ZSWIM9: variants seen among roughly 807,000 people sequenced by gnomAD.
ZSWIM9 encodes zinc finger SWIM-type containing 9.
A neutral mutation model predicts 25.0 loss-of-function variants in ZSWIM9; 11 were observed. That is an observed-to-expected ratio of 0.44 (90% CI 0.28 to 0.73). The LOEUF (loss-of-function observed/expected upper bound fraction) is 0.73. Ranked by LOEUF, ZSWIM9 falls within the 30% of genes least tolerant of loss-of-function variation. The pLI is 0.16. For synonymous variants in ZSWIM9, 562 were observed against 582.1 expected, an observed-to-expected ratio of 0.97 and a Z score of 0.50; for missense variants, 1,070 against 1,296.5, an observed-to-expected ratio of 0.83 and a Z score of 2.68.
At chr19:48,171,742 C>A in intron 1 of ZSWIM9, 52 bp from the exon 2 acceptor site, 1 of 1,467,270 alleles carries the variant, frequency 6.8e-7, no homozygotes, top group Non-Finnish European at 9.0e-7. Flanking sequence ...AGATGAGATA[C>A]CCCGGGTGGG....
rs772198303 is a variant in ZSWIM9, at chr19:48,197,278, GA to G, written c.*457del. The stretch of plus-strand genomic sequence containing the variant: ...CAGATGAAGGAGAGGAGGTAAGCGA[GA>G]AAAAATGGAAAGGGGAGCCGGAAAT... On this transcript the variant is annotated 3_prime_UTR_variant, in exon 4 of 4. Transcript: ENST00000614654. 10 of 702,010 alleles carry G rather than the reference GA, an allele frequency of 1.4e-5. No individual in the cohort carries two copies. In the South Asian group the frequency reaches 1.5e-4, roughly 10 times the overall value. 43.5% of individuals were successfully genotyped at this position (702,010 alleles called of 1,614,324 possible). A position where few individuals can be genotyped will look rare whatever the true frequency, so the allele number is the denominator to read the frequency against.
chr19:48,191,971 C>T (rs182560362), intron 3 of ZSWIM9: 150 of 154,800 alleles, frequency 9.7e-4, no homozygotes, highest in Admixed American at 3.6e-3. Context: ...GTGTGTGCCT[C>T]GGTGTCCTCA....
chr19:48,187,176 C>G (rs1328897948), intron 3 of ZSWIM9, among the ~76,000 whole-genome samples: 9 of 147,406 alleles, frequency 6.1e-5, no homozygotes, highest in Non-Finnish European at 1.3e-4. Context: ...AAGTTCTGTC[C>G]CTATCATATT....
intron 3 of ZSWIM9, among the ~76,000 whole-genome samples, chr19:48,192,500 C>CATATATATATAT (rs2037109760): frequency 2.5e-5 from 1 of 40,118 alleles, no homozygotes; most frequent in African/African-American, 7.8e-5. Flanking sequence ...TATATATATA[C>CATATATATATAT]ACACACACAC....
At chr19:48,193,667 G>A (rs921557722) in intron 3 of ZSWIM9, among the ~76,000 whole-genome samples, 1 of 152,230 alleles carries the variant, frequency 6.6e-6, no homozygotes, top group Non-Finnish European at 1.5e-5. Flanking sequence ...TAGTTGGGAA[G>A]TCACAGAAGA....
At chr19:48,175,027 A>G (rs1376129714) in intron 2 of ZSWIM9, among the ~76,000 whole-genome samples, 1 of 152,148 alleles carries the variant, frequency 6.6e-6, no homozygotes, top group Non-Finnish European at 1.5e-5. Flanking sequence ...ATACAAAGGG[A>G]GTGGTCAGCT....
chr19:48,193,153 A>G, intron 3 of ZSWIM9: 1 of 154,916 alleles, frequency 6.5e-6, no homozygotes, highest in East Asian at 1.9e-4. Flanking sequence ...GTTGGCCAGG[A>G]GTGATCTCAT....
intron 3 of ZSWIM9, chr19:48,192,961 TTCTCCCAGC>T (rs1383093256): frequency 6.5e-6 from 1 of 154,998 alleles, no homozygotes; most frequent in Non-Finnish European, 1.5e-5. Flanking sequence ...CAGTGCTCAG[TTCTCCCAGC>T]AATGACATGT....
At chr19:48,192,582 C>T (rs1489556878) in intron 3 of ZSWIM9, among the ~76,000 whole-genome samples, 1 of 147,418 alleles carries the variant, frequency 6.8e-6, no homozygotes, top group Non-Finnish European at 1.5e-5. Context: ...CATGCATGTT[C>T]TCCCACCTAC....
rs748654859 is a variant in ZSWIM9, at chr19:48,197,461, G to A, written c.*634G>A. ...CGGGTAGAGACGAAATGCAAGGGGC[G>A]TGGTTTTGGTTTTTCTCCAAGACCT... On this transcript the variant is annotated 3_prime_UTR_variant, in exon 4 of 4. Coordinates refer to ENST00000614654, the MANE Select transcript of ZSWIM9 (RefSeq NM_199341.4). 1.0e-5 allele frequency: 6 copies of A among 594,366 alleles called. No homozygotes were observed. Among genetic ancestry groups the A allele is most frequent in the Non-Finnish European group, 1.8e-5 (6 of 334,278 alleles). 36.8% of individuals were successfully genotyped at this position (594,366 alleles called of 1,614,324 possible). A position where few individuals can be genotyped will look rare whatever the true frequency, so the allele number is the denominator to read the frequency against.
chr19:48,191,487 A>G (rs2037094202), intron 3 of ZSWIM9, among the ~76,000 whole-genome samples: 1 of 152,168 alleles, frequency 6.6e-6, no homozygotes, highest in Non-Finnish European at 1.5e-5. Context: ...TTACAGGCGT[A>G]AGCCACTGTG....
intron 2 of ZSWIM9, among the ~76,000 whole-genome samples, chr19:48,178,143 C>G (rs150825220): frequency 2.0e-5 from 3 of 152,328 alleles, no homozygotes; most frequent in South Asian, 4.1e-4. Context: ...AGTGATCCGC[C>G]CGCCTTGGCC....
Position 48,192,496 on chromosome 19 carries a change from T to TAC in ZSWIM9, c.589-2156_589-2155insCA, listed in dbSNP as rs1416010856. On this transcript the variant is annotated intron_variant, in intron 3 of 3. Transcript: ENST00000614654. ...AAAAAAAAAAATATATATATATATA[T>TAC]ATACACACACACACACACACACATT... 3.1e-3 allele frequency among the ~76,000 whole-genome samples: 78 copies of TAC among 25,544 alleles called. 3 individuals carry two copies. Among genetic ancestry groups the TAC allele is most frequent in the African/African-American group, 8.2e-3 (75 of 9,196 alleles). The allele number at this position is 25,544 out of a possible 152,430, so 16.8% of individuals were successfully genotyped here.
chr19:48,193,990 C>T (rs1283011101), intron 3 of ZSWIM9, among the ~76,000 whole-genome samples: 1 of 152,168 alleles, frequency 6.6e-6, no homozygotes, highest in Non-Finnish European at 1.5e-5. Flanking sequence ...AATGAATGTT[C>T]AGTGCCTAGA....
intron 3 of ZSWIM9, among the ~76,000 whole-genome samples, chr19:48,188,040 A>G (rs2037052801): frequency 6.6e-6 from 1 of 151,906 alleles, no homozygotes; most frequent in South Asian, 2.1e-4. Flanking sequence ...TCAAGCAACA[A>G]TCAGTCTTTC....
intron 3 of ZSWIM9, chr19:48,183,087 G>C (rs1177802652): frequency 3.7e-6 from 1 of 270,010 alleles, no homozygotes; most frequent in African/African-American, 2.2e-5. Flanking sequence ...CCAGTACACT[G>C]AGGAACTGAA....
rs2037136716 is a variant in ZSWIM9 at position 48,194,772 on chromosome 19, G to C, written c.708G>C (p.Gly236=). The C allele has an allele frequency of 5.2e-6, 8 of 1,532,548 alleles. No individual in the cohort carries two copies. Among genetic ancestry groups the C allele is most frequent in the Middle Eastern group, 1.8e-4 (1 of 5,556 alleles). 94.9% of individuals were successfully genotyped at this position (1,532,548 alleles called of 1,614,324 possible). A position where few individuals can be genotyped will look rare whatever the true frequency, so the allele number is the denominator to read the frequency against. The part of the protein sequence containing the change: ...PRMLLVDRLP[G]LQGALDLLAV... ...TGCTGCTGGTGGACCGGCTGCCGGG[G>C]CTGCAGGGCGCGCTGGATCTGCTGG... The change falls in exon 4 of 4, where the codon GGG becomes GGC. Residue 236 remains glycine (G), a synonymous_variant. Transcript: ENST00000614654. This position sits in a 1 kb window ranked among gnomAD's most constrained non-coding sequence, Gnocchi z 6.0.
intron 3 of ZSWIM9, chr19:48,186,765 G>A (rs998227077): frequency 6.5e-6 from 1 of 154,864 alleles, no homozygotes; most frequent in Admixed American, 6.5e-5. Context: ...GCTTCTGGGA[G>A]CTGCAGGGGC....
At chr19:48,191,008 AGT>A (rs1186387495) in intron 3 of ZSWIM9, among the ~76,000 whole-genome samples, 1 of 151,720 alleles carries the variant, frequency 6.6e-6, no homozygotes, top group East Asian at 1.9e-4. Context: ...TCCAACCCTT[AGT>A]TCATTTATCT....
Sources: gnomAD v4.1 joint callset for allele counts (sites outside exome capture counted in the v4.1 genomes callset) on GRCh38, gnomAD v4.1.1 for gene constraint, Gnocchi (gnomAD v3.1) non-coding constraint, MANE v1.5 for transcripts, NCBI Gene and HGNC (gene_info 2026-07-23, HGNC 2026-07-21) for gene names.